Variants in RAB11FIP4 observed in about 807,000 individuals in gnomAD.
The protein encoded by RAB11FIP4 is rab11 family-interacting protein 4.
A neutral mutation model predicts 74.3 loss-of-function variants in RAB11FIP4; 23 were observed. That is an observed-to-expected ratio of 0.31 (90% confidence interval 0.22 to 0.44). The LOEUF (loss-of-function observed/expected upper bound fraction) is 0.44. Among genes scored for constraint, RAB11FIP4 ranks in the 20% least tolerant of loss-of-function variants. The pLI is 1.00. For missense variants in RAB11FIP4, 630 were observed against 863.9 expected (o/e 0.73, Z 3.39); for synonymous variants, 360 against 359.9 (o/e 1.00, Z 0.00).
chr17:31,448,118 A>C (rs1409010702), intron 3 of RAB11FIP4, among the ~76,000 whole-genome samples: 1 of 152,142 alleles, frequency 6.6e-6, no homozygotes, highest in Non-Finnish European at 1.5e-5. Context: ...TGCGGGAAAG[A>C]CTTTTTAAAT....
At chr17:31,506,729 G>A in intron 3 of RAB11FIP4, among the ~76,000 whole-genome samples, 1 of 151,992 alleles carries the variant, frequency 6.6e-6, no homozygotes, top group East Asian at 1.9e-4. Context: ...CTTTTTTATG[G>A]CTGAATACTA....
At chr17:31,439,490 A>G (rs539476626) in intron 3 of RAB11FIP4, among the ~76,000 whole-genome samples, 24 of 152,098 alleles carry the variant, frequency 1.6e-4, no homozygotes, top group Non-Finnish European at 2.5e-4. Context: ...TCTTTTTCTT[A>G]TCTTCCCATA....
chr17:31,505,777 C>T (rs1238782758), intron 3 of RAB11FIP4, among the ~76,000 whole-genome samples: 1 of 141,438 alleles, frequency 7.1e-6, no homozygotes, highest in Non-Finnish European at 1.5e-5. Context: ...GCAATCATAG[C>T]TCACTGTATC....
At chr17:31,433,687 G>A (rs1314959876) in intron 2 of RAB11FIP4, among the ~76,000 whole-genome samples, 2 of 152,234 alleles carry the variant, frequency 1.3e-5, no homozygotes, top group Non-Finnish European at 2.9e-5. Context: ...GCTTTCTCCA[G>A]AGGCTGGCAC....
intron 3 of RAB11FIP4, among the ~76,000 whole-genome samples, chr17:31,444,192 C>T (rs2071429659): frequency 1.3e-5 from 2 of 152,282 alleles, no homozygotes; most frequent in Admixed American, 6.5e-5. Flanking sequence ...TCTAAAAATA[C>T]TTTTCCTGAC....
At chr17:31,451,458 C>CAAAAAAA (rs60812825) in intron 3 of RAB11FIP4, among the ~76,000 whole-genome samples, 1 of 85,988 alleles carries the variant, frequency 1.2e-5, no homozygotes, top group Non-Finnish European at 2.3e-5. Context: ...GACTCCATCT[C>CAAAAAAA]AAAAAAAAAA....
At chr17:31,484,431 C>T (rs1327268683) in intron 3 of RAB11FIP4, among the ~76,000 whole-genome samples, 1 of 151,768 alleles carries the variant, frequency 6.6e-6, no homozygotes, top group African/African-American at 2.4e-5. Context: ...GACCAGGGTA[C>T]CTAACTCAAG....
At chr17:31,518,027 C>A in intron 4 of RAB11FIP4, 150 bp downstream of exon 4, 1 of 647,386 alleles carries the variant, frequency 1.5e-6, no homozygotes, top group Non-Finnish European at 2.7e-6. Flanking sequence ...GCACAAGATT[C>A]TAAGCAGACT....
chr17:31,401,708 G>C (rs1361890161), intron 1 of RAB11FIP4, among the ~76,000 whole-genome samples: 1 of 152,208 alleles, frequency 6.6e-6, no homozygotes, highest in African/African-American at 2.4e-5. Context: ...CCCAGTCTAA[G>C]GCTAGCACCT....
intron 1 of RAB11FIP4, among the ~76,000 whole-genome samples, chr17:31,414,431 A>T (rs558996115): frequency 6.6e-6 from 1 of 152,348 alleles, no homozygotes; most frequent in Non-Finnish European, 1.5e-5. Flanking sequence ...ATGCCTGCAG[A>T]GGCCAGTCCA....
chr17:31,466,731 G>A (rs1325731624), intron 3 of RAB11FIP4, among the ~76,000 whole-genome samples: 2 of 152,188 alleles, frequency 1.3e-5, no homozygotes, highest in African/African-American at 2.4e-5. Flanking sequence ...TGGGGTTGGG[G>A]TAATTTCCCC....
At chr17:31,448,412 G>GTTTTTTTTTTT (rs2071491257) in intron 3 of RAB11FIP4, 1 of 99,040 alleles carries the variant, frequency 1.0e-5, no homozygotes, top group Non-Finnish European at 2.0e-5. Context: ...TTTTTTTTTT[G>GTTTTTTTTTTT]GCAGAGACCG....
intron 3 of RAB11FIP4, among the ~76,000 whole-genome samples, chr17:31,440,975 T>C (rs2071402191): frequency 6.6e-6 from 1 of 152,196 alleles, no homozygotes; most frequent in Non-Finnish European, 1.5e-5. Flanking sequence ...TTTTCATTTA[T>C]TCTGGCCTTT....
In RAB11FIP4 at chr17:31,455,530, T is replaced by A. The variant is rs142292292; in HGVS notation, c.336+21408T>A. On this transcript the variant is annotated intron_variant, in intron 3 of 14. Transcript: ENST00000621161. ...GTGGCGTATTGCAGGGTGGCATATT[T>A]GGATCCCCTTCAAGTTCCTGCCTCA... Among the ~76,000 whole-genome samples the A allele has an allele frequency of 2.1e-4, 32 of 152,328 alleles. No individual in the cohort carries two copies. The East Asian group carries it at 6.0e-3, about 28-fold the overall frequency.
chr17:31,479,354 C>T (rs1226058276), intron 3 of RAB11FIP4, among the ~76,000 whole-genome samples: 1 of 152,210 alleles, frequency 6.6e-6, no homozygotes, highest in Admixed American at 6.5e-5. Flanking sequence ...TCAGGAACTT[C>T]AGAAAAGGCT....
chr17:31,520,339 C>T (rs773983797), intron 4 of RAB11FIP4, among the ~76,000 whole-genome samples: 3 of 152,058 alleles, frequency 2.0e-5, no homozygotes, highest in Non-Finnish European at 2.9e-5. Context: ...TGACCATACT[C>T]AGTCTTACAG....
chr17:31,517,290 G>A (rs1189885711), intron 3 of RAB11FIP4, among the ~76,000 whole-genome samples: 2 of 151,534 alleles, frequency 1.3e-5, no homozygotes, highest in Non-Finnish European at 2.9e-5. Context: ...TTTAGCTCTA[G>A]GAAGTCAGTG....
intron 3 of RAB11FIP4, among the ~76,000 whole-genome samples, chr17:31,497,809 G>C (rs1057252622): frequency 1.3e-5 from 2 of 152,152 alleles, no homozygotes; most frequent in African/African-American, 2.4e-5. Flanking sequence ...TTAAGAGCAG[G>C]TGATGGTTTT....
Position 31,531,602 on chromosome 17 carries a change from C to T in RAB11FIP4, c.1798-14C>T. On this transcript the variant is annotated splice_polypyrimidine_tract_variant and intron_variant, in intron 14 of 14. Coordinates refer to ENST00000621161, the MANE Select transcript of RAB11FIP4 (RefSeq NM_032932.6). ...CAGGCCCAGCCACTGACCCGTCTTTCCCATTTCCTTCAGCTAATGGAAGCC... is the reference window on the plus strand; with the variant it reads ...CAGGCCCAGCCACTGACCCGTCTTTTCCATTTCCTTCAGCTAATGGAAGCC... The T allele has an allele frequency of 1.3e-6, 2 of 1,585,052 alleles. No homozygotes were observed. The highest frequency in any genetic ancestry group is 2.2e-5 in the South Asian group (2 of 90,446).
Sources: gnomAD v4.1 joint callset for allele counts (sites outside exome capture counted in the v4.1 genomes callset) on GRCh38, gnomAD v4.1.1 for gene constraint, MANE v1.5 for transcripts, NCBI Gene and HGNC (gene_info 2026-07-23, HGNC 2026-07-21) for gene names.